The following RNF13 variants were observed in gnomAD, a reference collection of about 807,000 sequenced individuals.
RNF13 encodes the protein E3 ubiquitin-protein ligase RNF13.
A neutral mutation model predicts 37.7 loss-of-function variants in RNF13; 19 were observed. The observed-to-expected ratio is 0.50, with a 90% CI of 0.35 to 0.74. RNF13 has a LOEUF of 0.74. RNF13 is among the 30% of genes least tolerant of loss of function. RNF13 has a pLI of 0.01. For synonymous variants in RNF13, 144 were observed against 157.8 expected, an observed-to-expected ratio of 0.91 and a Z score of 0.65; for missense variants, 375 against 453.0, an observed-to-expected ratio of 0.83 and a Z score of 1.56.
intron 4 of RNF13, among the ~76,000 whole-genome samples, chr3:149,879,137 T>C (rs1713084358): frequency 6.6e-6 from 1 of 152,174 alleles, no homozygotes; most frequent in Non-Finnish European, 1.5e-5. Context: ...TTCACCTTTT[T>C]GTGTTTTGAA....
rs1334824651 is a variant in RNF13 at position 149,891,711 on chromosome 3, TG to T, written c.322-3760del. Among the ~76,000 whole-genome samples, 5 of 152,276 alleles carry T rather than the reference TG, an allele frequency of 3.3e-5. No individual in the cohort carries two copies. The East Asian group carries it at 9.6e-4, about 29-fold the overall frequency. ...TTTATAATGTAGTTTTCAGTTTTGG[TG>T]GCTGTTTTGGATTTAGATTTGTTCA... On this transcript the variant is annotated intron_variant, in intron 4 of 9. Coordinates refer to ENST00000392894, the MANE Select transcript of RNF13 (RefSeq NM_183381.3).
chr3:149,925,857 C>T (rs1718583349), intron 8 of RNF13, among the ~76,000 whole-genome samples: 2 of 152,248 alleles, frequency 1.3e-5, no homozygotes, highest in Middle Eastern at 3.4e-3. Context: ...TCCTGTTGTT[C>T]TATGTATTTA....
At chr3:149,955,344 AC>A (rs1235154794) in intron 8 of RNF13, among the ~76,000 whole-genome samples, 2 of 151,930 alleles carry the variant, frequency 1.3e-5, no homozygotes, top group African/African-American at 4.8e-5. Flanking sequence ...CTACATTTTA[AC>A]AGCTTTTAAT....
intron 7 of RNF13, among the ~76,000 whole-genome samples, chr3:149,916,154 T>G (rs1259521293): frequency 6.6e-6 from 1 of 152,030 alleles, no homozygotes; most frequent in African/African-American, 2.4e-5. Flanking sequence ...GCCTATAAAA[T>G]CATCTAGGTC....
intron 8 of RNF13, among the ~76,000 whole-genome samples, chr3:149,934,752 T>C (rs1442158704): frequency 2.6e-5 from 4 of 152,004 alleles, no homozygotes; most frequent in Non-Finnish European, 5.9e-5. Context: ...ACCTCCCAAG[T>C]AGCTGAGAGT....
At chr3:149,874,457 T>C (rs1235745334) in intron 4 of RNF13, among the ~76,000 whole-genome samples, 2 of 152,118 alleles carry the variant, frequency 1.3e-5, no homozygotes, top group African/African-American at 4.8e-5. Flanking sequence ...TATGATAGGA[T>C]TGTTGGGAGG....
At chr3:149,922,532 C>T (rs1166310989) in intron 8 of RNF13, among the ~76,000 whole-genome samples, 2 of 152,112 alleles carry the variant, frequency 1.3e-5, no homozygotes, top group Non-Finnish European at 2.9e-5. Context: ...TAAACAATGT[C>T]AGTAGATAAA....
intron 7 of RNF13, among the ~76,000 whole-genome samples, 195 bp from the exon 8 acceptor site, chr3:149,920,939 G>C (rs974826387): frequency 6.6e-6 from 1 of 151,814 alleles, no homozygotes; most frequent in African/African-American, 2.4e-5. Context: ...AAAATTCAAG[G>C]GGTAATTCAT....
At chr3:149,861,710 G>C (rs1178590219) in intron 3 of RNF13, among the ~76,000 whole-genome samples, 2 of 152,114 alleles carry the variant, frequency 1.3e-5, no homozygotes, top group Admixed American at 6.5e-5. Context: ...AAGTTCTAAT[G>C]TTTGATAACA....
At chr3:149,878,327 AAG>A (rs1210054785) in intron 4 of RNF13, among the ~76,000 whole-genome samples, 2 of 152,186 alleles carry the variant, frequency 1.3e-5, no homozygotes, top group African/African-American at 4.8e-5. Context: ...GATCGAAAGA[AAG>A]AGAGAAAGAT....
chr3:149,860,181 A>G (rs1195387081), intron 3 of RNF13, among the ~76,000 whole-genome samples: 3 of 149,254 alleles, frequency 2.0e-5, no homozygotes, highest in African/African-American at 7.4e-5. Context: ...AGAATCATTG[A>G]ACGGAGATGC....
At chr3:149,815,626 G>A (rs1372184281) in intron 1 of RNF13, among the ~76,000 whole-genome samples, 1 of 152,156 alleles carries the variant, frequency 6.6e-6, no homozygotes, top group Non-Finnish European at 1.5e-5. Context: ...GTGAGTCATT[G>A]TTCAAAAATG....
rs906258868 is a variant in RNF13 at position 149,852,612 on chromosome 3, A to G, written c.195+16A>G. The G allele has an allele frequency of 2.3e-6, 3 of 1,294,548 alleles. No individual in the cohort carries two copies. The highest frequency in any genetic ancestry group is 1.5e-5 in the African/African-American group (1 of 67,102). 80.2% of individuals were successfully genotyped at this position (1,294,548 alleles called of 1,614,324 possible). On this transcript the variant is annotated intron_variant, in intron 3 of 9. Coordinates refer to ENST00000392894, the MANE Select transcript of RNF13 (RefSeq NM_183381.3). ...AGGTTTAAAGGTAAGACAGTTGGTA[A>G]TACATTGTAAAGACACAAGGTATTT...
chr3:149,909,783 G>A (rs73870472), intron 6 of RNF13, among the ~76,000 whole-genome samples: 3,061 of 151,994 alleles, frequency 0.02, 96 homozygotes, highest in African/African-American at 0.07. Context: ...AAACACACAC[G>A]AAGTTCCTAG....
intron 1 of RNF13, among the ~76,000 whole-genome samples, chr3:149,835,652 T>G (rs1204865125): frequency 6.6e-6 from 1 of 151,304 alleles, no homozygotes; most frequent in Non-Finnish European, 1.5e-5. Flanking sequence ...TGTGTGTGTG[T>G]GTGTGTGTGT....
chr3:149,845,365 C>T (rs1314942864), intron 1 of RNF13, among the ~76,000 whole-genome samples: 2 of 152,006 alleles, frequency 1.3e-5, no homozygotes, highest in South Asian at 2.1e-4. Flanking sequence ...AGTCTTTTCA[C>T]GGTATCTTTT....
chr3:149,894,937 G>C (rs1715083592), intron 4 of RNF13, among the ~76,000 whole-genome samples: 4 of 152,044 alleles, frequency 2.6e-5, no homozygotes. Flanking sequence ...TGGTACAAAG[G>C]TTACTATTTT....
At chr3:149,952,177 A>G (rs1484138087) in intron 8 of RNF13, among the ~76,000 whole-genome samples, 2 of 152,174 alleles carry the variant, frequency 1.3e-5, no homozygotes, top group Non-Finnish European at 2.9e-5. Context: ...ATCCATTTAT[A>G]TTTCTGCTTT....
At chr3:149,876,761 G>C (rs1712745899) in intron 4 of RNF13, among the ~76,000 whole-genome samples, 1 of 143,984 alleles carries the variant, frequency 6.9e-6, no homozygotes, top group South Asian at 2.3e-4. Context: ...CAAGGTAGAA[G>C]TCATCATATC....
Sources: gnomAD v4.1 joint callset for allele counts (sites outside exome capture counted in the v4.1 genomes callset) on GRCh38, gnomAD v4.1.1 for gene constraint, MANE v1.5 for transcripts, NCBI Gene and HGNC (gene_info 2026-07-23, HGNC 2026-07-21) for gene names.